The following SLC67A2 variants were observed in gnomAD, a reference collection of about 807,000 sequenced individuals.
SLC67A2 encodes the protein solute carrier family 67 member A2.
At chr2:102,723,562 G>T in the SLC67A2 span, 6 of 748,016 alleles carry the variant, frequency 8.0e-6, no homozygotes, top group Non-Finnish European at 1.3e-5. Flanking sequence ...ACTAGGGGGG[G>T]TTCCTCAAAA....
chr2:102,731,586 T>C, the SLC67A2 span, among the ~76,000 whole-genome samples: 1 of 152,358 alleles, frequency 6.6e-6, no homozygotes, highest in Non-Finnish European at 1.5e-5. Context: ...CTATCTGATT[T>C]TCCCAAAAAC....
At chr2:102,718,721 C>T in the SLC67A2 span, 3 of 1,613,884 alleles carry the variant, frequency 1.9e-6, no homozygotes, top group Non-Finnish European at 2.5e-6. Context: ...GACAACTGCA[C>T]CCATGGTGGG....
the SLC67A2 span, chr2:102,736,609 G>A: frequency 1.9e-6 from 3 of 1,613,722 alleles, no homozygotes; most frequent in Non-Finnish European, 2.5e-6. Flanking sequence ...CCCGAACACA[G>A]TCAGCACTTG....
the SLC67A2 span, among the ~76,000 whole-genome samples, chr2:102,733,118 T>G: frequency 1.3e-5 from 2 of 152,378 alleles, no homozygotes; most frequent in African/African-American, 4.8e-5. Context: ...AGCTCAAACA[T>G]GTCTTCTCCC....
chr2:102,727,335 AAAAATTTAG>A, the SLC67A2 span, among the ~76,000 whole-genome samples: 2 of 152,202 alleles, frequency 1.3e-5, no homozygotes, highest in Admixed American at 1.3e-4. Context: ...TACATTTTTA[AAAAATTTAG>A]AAAATACTGA....
chr2:102,724,630 C>A, the SLC67A2 span, among the ~76,000 whole-genome samples: 7 of 152,312 alleles, frequency 4.6e-5, no homozygotes, highest in Admixed American at 2.0e-4. Flanking sequence ...TGGTAACCAG[C>A]GGCCCACTAT....
At chr2:102,718,885 C>T in the SLC67A2 span, 20 of 1,614,168 alleles carry the variant, frequency 1.2e-5, no homozygotes, top group East Asian at 4.5e-4. Context: ...GGTAGCCTGT[C>T]ACCTTGGGCC....
At chr2:102,718,199 G>A in the SLC67A2 span, 1 of 565,038 alleles carries the variant, frequency 1.8e-6, no homozygotes, top group Non-Finnish European at 3.1e-6. Context: ...CCTTGGAAAA[G>A]CTTTGCTCCA....
chr2:102,718,350 C>T, the SLC67A2 span: 1 of 1,567,970 alleles, frequency 6.4e-7, no homozygotes, highest in Non-Finnish European at 8.7e-7. Context: ...CCAAAGTGCC[C>T]TTTTCATCAT....
At chr2:102,734,882 C>T in the SLC67A2 span, among the ~76,000 whole-genome samples, 1 of 152,184 alleles carries the variant, frequency 6.6e-6, no homozygotes, top group African/African-American at 2.4e-5. Flanking sequence ...AAATGATCTG[C>T]GAATTGCTTT....
the SLC67A2 span, among the ~76,000 whole-genome samples, chr2:102,722,607 A>G: frequency 6.6e-6 from 1 of 152,172 alleles, no homozygotes; most frequent in Non-Finnish European, 1.5e-5. Flanking sequence ...TCACATTACA[A>G]AAATCAACTT....
the SLC67A2 span, among the ~76,000 whole-genome samples, chr2:102,727,209 A>T: frequency 1.3e-5 from 2 of 152,204 alleles, no homozygotes; most frequent in African/African-American, 4.8e-5. Flanking sequence ...CAAACAAAAA[A>T]GTCTGATGAT....
At chr2:102,715,413 T>C in the SLC67A2 span, among the ~76,000 whole-genome samples, 2 of 152,164 alleles carry the variant, frequency 1.3e-5, no homozygotes, top group African/African-American at 4.8e-5. Flanking sequence ...GAATCAGTGA[T>C]TCCAGCTCCT....
the SLC67A2 span, among the ~76,000 whole-genome samples, chr2:102,719,623 T>G: frequency 6.6e-6 from 1 of 152,202 alleles, no homozygotes; most frequent in Non-Finnish European, 1.5e-5. Flanking sequence ...CATCCAATAT[T>G]CATGGAGTGC....
the SLC67A2 span, among the ~76,000 whole-genome samples, chr2:102,727,833 C>T: frequency 1.3e-5 from 2 of 152,214 alleles, no homozygotes; most frequent in Admixed American, 6.5e-5. Context: ...AGCACTGCTA[C>T]TGTCAATGTT....
At chr2:102,736,121 A>G in the SLC67A2 span, among the ~76,000 whole-genome samples, 1 of 152,148 alleles carries the variant, frequency 6.6e-6, no homozygotes, top group Non-Finnish European at 1.5e-5. Flanking sequence ...CGAAAGGCAG[A>G]TGGGTAAAAT....
the SLC67A2 span, among the ~76,000 whole-genome samples, chr2:102,733,225 C>T: frequency 2.0e-5 from 3 of 152,186 alleles, no homozygotes; most frequent in Non-Finnish European, 4.4e-5. Context: ...TTCTTATTCT[C>T]ACTAGGTTAC....
the SLC67A2 span, among the ~76,000 whole-genome samples, chr2:102,735,846 G>GCGCACACACACACA: frequency 6.7e-6 from 1 of 149,594 alleles, no homozygotes; most frequent in Admixed American, 6.6e-5. Flanking sequence ...ACGCGCGCGC[G>GCGCACACACACACA]CACACACACA....
the SLC67A2 span, among the ~76,000 whole-genome samples, chr2:102,721,325 C>T: frequency 4.6e-5 from 7 of 152,246 alleles, no homozygotes; most frequent in East Asian, 1.4e-3. Flanking sequence ...GGTTTATGTG[C>T]ACCCCTCCTG....
Sources: gnomAD v4.1 joint callset for allele counts (sites outside exome capture counted in the v4.1 genomes callset) on GRCh38, gnomAD v4.1.1 for gene constraint, MANE v1.5 for transcripts, NCBI Gene and HGNC (gene_info 2026-07-23, HGNC 2026-07-21) for gene names.